ZFPM1: variants seen among roughly 807,000 people sequenced by gnomAD.
The protein encoded by ZFPM1 is zinc finger protein ZFPM1.
Under a neutral mutation model 46.3 loss-of-function variants are expected in ZFPM1, and 28 were observed. The ratio of observed to expected loss-of-function variants is 0.60; its 90% CI spans 0.45 to 0.83. ZFPM1 has a LOEUF of 0.83. Among genes scored for constraint, ZFPM1 ranks in the 40% least tolerant of loss-of-function variants. The pLI is 0.00. For missense variants in ZFPM1, 1,878 were observed against 1,432.4 expected (o/e 1.31, Z -5.02); for synonymous variants, 957 against 675.9 (o/e 1.42, Z -6.45).
intron 3 of ZFPM1, among the ~76,000 whole-genome samples, chr16:88,506,760 C>T (rs1006920932): frequency 6.6e-6 from 1 of 152,138 alleles, no homozygotes; most frequent in East Asian, 1.9e-4. Context: ...CTCTGAGGGG[C>T]GCTGGGGGGA....
At position 88,471,599 on chromosome 16, in the gene ZFPM1, G is replaced by T. The variant is rs1908424777; in HGVS notation, c.41-14340G>T. On this transcript the variant is annotated intron_variant, in intron 1 of 9. Transcript: ENST00000319555. The surrounding 1 kb of genome is among the most constrained non-coding windows in gnomAD (Gnocchi z 4.1). The stretch of plus-strand genomic sequence containing the variant: ...GTGGGGGACGCCAGGACCCCGAGAT[G>T]ATCGTGGCTGTAGCGGCTCCCACTC... Among the ~76,000 whole-genome samples the T allele has an allele frequency of 2.0e-5, 3 of 152,194 alleles. No individual in the cohort carries two copies. The highest frequency in any genetic ancestry group is 1.3e-4 in the Admixed American group (2 of 15,288).
chr16:88,501,280 G>A lies in ZFPM1; in HGVS notation c.268+12127G>A, dbSNP rs868098315. Reference sequence around the variant, plus strand: ...GTGATGATGGAGATAGTGGGCCTGGGTGCGGGGGCCCTCCCGCAGGTGCTG... The same window carrying A: ...GTGATGATGGAGATAGTGGGCCTGGATGCGGGGGCCCTCCCGCAGGTGCTG... On this transcript the variant is annotated intron_variant, in intron 3 of 9. Coordinates refer to ENST00000319555, the MANE Select transcript of ZFPM1 (RefSeq NM_153813.3). 1.7e-3 allele frequency among the ~76,000 whole-genome samples: 186 copies of A among 112,310 alleles called. 4 individuals are homozygous for A. Among genetic ancestry groups the A allele is most frequent in the Middle Eastern group, 6.7e-3 (1 of 150 alleles). The allele number at this position is 112,310 out of a possible 152,430, so 73.7% of individuals were successfully genotyped here. A position where few individuals can be genotyped will look rare whatever the true frequency, so the allele number is the denominator to read the frequency against.
chr16:88,489,050 G>A lies in ZFPM1; in HGVS notation c.165G>A (p.Pro55=), dbSNP rs753883739. The A allele has an allele frequency of 2.2e-5, 36 of 1,612,768 alleles. 1 individual carries two copies. Among genetic ancestry groups the A allele is most frequent in the East Asian group, 1.3e-4 (6 of 44,854 alleles). ...PPSADVNSPP[P]LPPPTSPGGP... The stretch of plus-strand genomic sequence containing the variant: ...CTGCAGATGTTAACTCACCCCCACC[G>A]CTGCCGCCCCCCACATCCCCAGGAG... Residue 55 remains proline (P), a synonymous_variant, in exon 3 of 10, where the codon CCG becomes CCA. Coordinates refer to ENST00000319555, the MANE Select transcript of ZFPM1 (RefSeq NM_153813.3).
At chr16:88,521,369 G>T (rs77953529) in intron 4 of ZFPM1, among the ~76,000 whole-genome samples, 2 of 151,962 alleles carry the variant, frequency 1.3e-5, no homozygotes, top group Non-Finnish European at 2.9e-5. Flanking sequence ...AGGCTCTGGG[G>T]CTCCCTGCAT....
In ZFPM1 at chr16:88,504,226, G is replaced by A. The variant is rs141661641; in HGVS notation, c.269-10161G>A. Among the ~76,000 whole-genome samples, 286 of 152,246 alleles carry A rather than the reference G, an allele frequency of 1.9e-3. No individual in the cohort carries two copies. In the Middle Eastern group the frequency reaches 0.024, roughly 13 times the overall value. On this transcript the variant is annotated intron_variant, in intron 3 of 9. Coordinates refer to ENST00000319555, the MANE Select transcript of ZFPM1 (RefSeq NM_153813.3). ...GGAAAAACGGGGCAGAGGCCAGGGCGCCCAGGCCGATAGGACACAGATAAG... is the reference window on the plus strand; with the variant it reads ...GGAAAAACGGGGCAGAGGCCAGGGCACCCAGGCCGATAGGACACAGATAAG...
intron 4 of ZFPM1, among the ~76,000 whole-genome samples, chr16:88,526,113 G>A (rs1219101344): frequency 6.6e-6 from 1 of 152,208 alleles, no homozygotes; most frequent in Non-Finnish European, 1.5e-5. Context: ...CCACAGGAAG[G>A]GGCCTGACCA....
rs1913236529 is a variant in ZFPM1 at position 88,536,120 on chromosome 16, T to TA, written c.*1142dup. The TA allele has an allele frequency of 6.6e-6, 1 of 152,062 alleles. No homozygotes were observed. Among genetic ancestry groups the TA allele is most frequent in the Admixed American group, 6.5e-5 (1 of 15,286 alleles). 9.4% of individuals were successfully genotyped at this position (152,062 alleles called of 1,614,324 possible). ...ACAGGTGTACACCACCATGCCCAGCTAGTTTTTGTGTTTTTTGTAGAAATG... is the reference window on the plus strand; with the variant it reads ...ACAGGTGTACACCACCATGCCCAGCTAAGTTTTTGTGTTTTTTGTAGAAATG... On this transcript the variant is annotated 3_prime_UTR_variant, in exon 10 of 10. Transcript: ENST00000319555.
At position 88,463,342 on chromosome 16, in the gene ZFPM1, G is replaced by A. The variant is rs1449941328; in HGVS notation, c.40+9664G>A. ...AGCCTCTCTTGGGGTTCCTCTGGCA[G>A]CAGGCGCCCAGACCCTCGTGATGGG... On this transcript the variant is annotated intron_variant, in intron 1 of 9. Coordinates refer to ENST00000319555, the MANE Select transcript of ZFPM1 (RefSeq NM_153813.3). Among the ~76,000 whole-genome samples, 8 of 152,350 alleles carry A rather than the reference G, an allele frequency of 5.3e-5. No individual in the cohort carries two copies. The East Asian group carries it at 1.3e-3, about 26-fold the overall frequency.
chr16:88,524,446 G>C (rs1006850835), intron 4 of ZFPM1, among the ~76,000 whole-genome samples: 2 of 152,202 alleles, frequency 1.3e-5, no homozygotes, highest in Non-Finnish European at 2.9e-5. Context: ...GGAATCACGG[G>C]GGTGTCCTTT....
upstream of ZFPM1, among the ~76,000 whole-genome samples, chr16:88,451,877 A>G (rs904474093): frequency 6.6e-6 from 1 of 151,860 alleles, no homozygotes; most frequent in African/African-American, 2.4e-5. Flanking sequence ...GACGGCGCAT[A>G]TCCAGTGTTG....
intron 1 of ZFPM1, among the ~76,000 whole-genome samples, chr16:88,485,125 G>A (rs1009195364): frequency 6.6e-6 from 1 of 152,228 alleles, no homozygotes; most frequent in East Asian, 1.9e-4. Context: ...TGGGCCCCTG[G>A]GCGGGGCACT....
chr16:88,531,278 G>C (rs969966817), intron 6 of ZFPM1, among the ~76,000 whole-genome samples: 2 of 152,226 alleles, frequency 1.3e-5, no homozygotes, highest in African/African-American at 4.8e-5. Flanking sequence ...CTGCTATAAA[G>C]ACAAACCGAG....
chr16:88,491,826 C>A (rs1202490597), intron 3 of ZFPM1, among the ~76,000 whole-genome samples: 1 of 152,212 alleles, frequency 6.6e-6, no homozygotes, highest in African/African-American at 2.4e-5. Context: ...GCTGCAGTGG[C>A]TACGGCCTAT....
chr16:88,512,215 A>G (rs1353080960), intron 3 of ZFPM1, among the ~76,000 whole-genome samples: 1 of 152,164 alleles, frequency 6.6e-6, no homozygotes, highest in East Asian at 1.9e-4. Flanking sequence ...TAGGGTGGGC[A>G]CCAGTTCTGC....
intron 4 of ZFPM1, among the ~76,000 whole-genome samples, chr16:88,520,480 G>A (rs888530301): frequency 6.6e-6 from 1 of 150,482 alleles, no homozygotes. Flanking sequence ...ACAGATGTAT[G>A]GGTGGATGGA....
At chr16:88,506,909 G>A (rs989676313) in intron 3 of ZFPM1, among the ~76,000 whole-genome samples, 16 of 152,210 alleles carry the variant, frequency 1.1e-4, no homozygotes, top group African/African-American at 3.6e-4. Context: ...CTGCGGCTCC[G>A]TCTCCCTTCT....
Position 88,526,827 on chromosome 16 carries a change from C to T in ZFPM1, c.416C>T (p.Thr139Ile), listed in dbSNP as rs996990532. ...PRQAEPSPAL[T>I]LLLVDEACWL... is the part of the protein sequence containing the mutation. The stretch of plus-strand genomic sequence containing the variant: ...CTCCCCCCCCAGAGCCCAGCCCTGA[C>T]CCTGCTGCTGGTGGACGAGGCCTGC... Residue 139 changes from threonine (T) to isoleucine (I), a missense_variant, in exon 5 of 10, where the codon ACC becomes ATC. Transcript: ENST00000319555. 1 of 1,554,774 alleles carries T rather than the reference C, an allele frequency of 6.4e-7. No homozygotes were observed. The highest frequency in any genetic ancestry group is 1.2e-5 in the South Asian group (1 of 84,392).
In ZFPM1 at chr16:88,534,925, C is replaced by T. The variant is rs761733424; in HGVS notation, c.2967C>T (p.Phe989=). 11 of 1,548,540 alleles carry T rather than the reference C, an allele frequency of 7.1e-6. No individual in the cohort carries two copies. The highest frequency in any genetic ancestry group is 5.2e-5 in the East Asian group (2 of 38,690). Residue 989 remains phenylalanine, a synonymous_variant, in exon 10 of 10, where the codon TTC becomes TTT. Transcript: ENST00000319555. ...CNIKFSSLST[F]IAHKKYYCSS... ...TCAAGTTCAGCAGCCTGTCCACCTT[C>T]ATCGCCCACAAGAAGTATTACTGCT...
chr16:88,504,074 G>A (rs1910522727), intron 3 of ZFPM1, among the ~76,000 whole-genome samples: 1 of 151,970 alleles, frequency 6.6e-6, no homozygotes, highest in Non-Finnish European at 1.5e-5. Flanking sequence ...CAGGGCTGAG[G>A]CAGTACCCTG....
Sources: allele counts gnomAD v4.1 joint callset (sites outside exome capture counted in the v4.1 genomes callset), GRCh38; gene constraint gnomAD v4.1.1; non-coding constraint Gnocchi (gnomAD v3.1); transcripts MANE v1.5; gene names NCBI Gene and HGNC (gene_info 2026-07-23, HGNC 2026-07-21).